RBFOX1: variants seen among roughly 807,000 people sequenced by gnomAD.
RBFOX1 encodes the protein RNA binding fox-1 homolog 1.
In RBFOX1, 8 loss-of-function variants were observed where a neutral mutation model predicts 57.7. That is an observed-to-expected ratio of 0.14 (90% CI 0.08 to 0.25). The LOEUF is 0.25. Ranked by LOEUF, RBFOX1 falls within the 10% of genes least tolerant of loss-of-function variation. RBFOX1 has a pLI of 1.00. For missense variants in RBFOX1, 611 were observed against 548.5 expected, an observed-to-expected ratio of 1.11 and a Z score of -1.14; for synonymous variants, 326 against 222.4, an observed-to-expected ratio of 1.47 and a Z score of -4.15.
intron 2 of RBFOX1, among the ~76,000 whole-genome samples, chr16:6,625,978 A>C (rs2098299131): frequency 6.6e-6 from 1 of 152,160 alleles, no homozygotes; most frequent in African/African-American, 2.4e-5. Context: ...GTAATTTTTG[A>C]ATCTAATCAA....
intron 3 of RBFOX1, among the ~76,000 whole-genome samples, chr16:6,764,798 A>G (rs1188494886): frequency 6.6e-6 from 1 of 152,014 alleles, no homozygotes; most frequent in Non-Finnish European, 1.5e-5. Context: ...TTAGCTAGGC[A>G]TGGTGACGGG....
chr16:7,562,730 AGTG>A lies in RBFOX1; in HGVS notation c.271-17045_271-17043del, dbSNP rs369426210. ...CAGTCTTGAAAGAAGCTTCTTCCCC[AGTG>A]GGGGAAGGAGGAGGAAGGTCCCAGA... On this transcript the variant is annotated intron_variant, in intron 5 of 15. Transcript: ENST00000550418. 6.1e-3 allele frequency among the ~76,000 whole-genome samples: 925 copies of A among 152,300 alleles called. 13 individuals are homozygous for A. The highest frequency in any genetic ancestry group is 0.021 in the African/African-American group (874 of 41,558).
chr16:6,932,605 C>T (rs1056158039), intron 3 of RBFOX1, among the ~76,000 whole-genome samples: 1 of 152,152 alleles, frequency 6.6e-6, no homozygotes, highest in Non-Finnish European at 1.5e-5. Context: ...ATCCCACGGG[C>T]CTGTCCACAG....
chr16:7,077,002 G>A (rs1012180466), intron 4 of RBFOX1, among the ~76,000 whole-genome samples: 2 of 152,094 alleles, frequency 1.3e-5, no homozygotes, highest in African/African-American at 4.8e-5. Context: ...CGAGAGAGGT[G>A]GGCAAAGACA....
intron 1 of RBFOX1, among the ~76,000 whole-genome samples, chr16:6,105,691 T>C (rs988639425): frequency 6.6e-6 from 1 of 151,180 alleles, no homozygotes; most frequent in African/African-American, 2.4e-5. Context: ...AAAAAATATA[T>C]ATATATATAT....
intron 2 of RBFOX1, among the ~76,000 whole-genome samples, chr16:5,566,487 A>G (rs915855289): frequency 7.9e-5 from 12 of 151,698 alleles, no homozygotes; most frequent in Non-Finnish European, 5.9e-5. Flanking sequence ...GGGTTGTTAT[A>G]TTTTGTCTTT....
At chr16:6,773,427 G>T (rs951250267) in intron 3 of RBFOX1, among the ~76,000 whole-genome samples, 3 of 139,094 alleles carry the variant, frequency 2.2e-5, no homozygotes, top group African/African-American at 8.2e-5. Context: ...GTGGGAGTTG[G>T]GTGCATTTGT....
chr16:5,723,654 A>G (rs1290259169), intron 3 of RBFOX1, among the ~76,000 whole-genome samples: 1 of 151,916 alleles, frequency 6.6e-6, no homozygotes, highest in Non-Finnish European at 1.5e-5. Context: ...CCTTTGGTCT[A>G]AGGTCGAATA....
intron 3 of RBFOX1, among the ~76,000 whole-genome samples, chr16:6,992,121 C>T (rs1308031254): frequency 1.3e-5 from 2 of 151,990 alleles, no homozygotes; most frequent in Non-Finnish European, 2.9e-5. Flanking sequence ...CTGTCTCTTC[C>T]TTTCCAGTCT....
At chr16:5,358,682 G>A (rs549438548) in intron 1 of RBFOX1, among the ~76,000 whole-genome samples, 18 of 152,282 alleles carry the variant, frequency 1.2e-4, no homozygotes, top group Admixed American at 3.3e-4. Context: ...AATTAGCCGG[G>A]TGTGGTGGCG....
In RBFOX1 at chr16:7,133,970, T is replaced by G. The variant is rs140254800; in HGVS notation, c.27+81872T>G. 5.5e-3 allele frequency among the ~76,000 whole-genome samples: 837 copies of G among 152,310 alleles called. 10 individuals carry two copies. The highest frequency in any genetic ancestry group is 0.019 in the African/African-American group (806 of 41,572). On this transcript the variant is annotated intron_variant, in intron 4 of 15. Coordinates refer to ENST00000550418, the MANE Select transcript of RBFOX1 (RefSeq NM_018723.4). ...CAGGGTATTTGTCAGGTTGATAACA[T>G]TAGGCTCTGCGGCATTCAATTCTAA...
chr16:6,726,796 A>T (rs1186210088), intron 3 of RBFOX1, among the ~76,000 whole-genome samples: 1 of 152,002 alleles, frequency 6.6e-6, no homozygotes, highest in African/African-American at 2.4e-5. Context: ...GTTCCCTACC[A>T]GGGTACCTAA....
intron 3 of RBFOX1, among the ~76,000 whole-genome samples, chr16:6,996,580 C>A (rs1388497770): frequency 6.6e-6 from 1 of 152,032 alleles, no homozygotes; most frequent in East Asian, 1.9e-4. Context: ...ATTTACTAGC[C>A]CAACGACTTT....
At chr16:6,006,859 T>C (rs2094930461) in intron 4 of RBFOX1, among the ~76,000 whole-genome samples, 1 of 152,176 alleles carries the variant, frequency 6.6e-6, no homozygotes, top group Non-Finnish European at 1.5e-5. Context: ...ATTGGGCATA[T>C]GTTGAATTGC....
intron 1 of RBFOX1, among the ~76,000 whole-genome samples, chr16:6,274,364 G>C (rs1477580840): frequency 6.6e-6 from 1 of 152,102 alleles, no homozygotes; most frequent in Non-Finnish European, 1.5e-5. Context: ...ATACAACCCA[G>C]TAACAAAAAG....
At chr16:6,544,148 G>T (rs1336027485) in intron 2 of RBFOX1, among the ~76,000 whole-genome samples, 1 of 152,158 alleles carries the variant, frequency 6.6e-6, no homozygotes, top group Non-Finnish European at 1.5e-5. Flanking sequence ...AGATTGAACC[G>T]AGTAACTTCC....
At chr16:6,579,977 G>T (rs1037945460) in intron 2 of RBFOX1, among the ~76,000 whole-genome samples, 8 of 150,770 alleles carry the variant, frequency 5.3e-5, no homozygotes, top group African/African-American at 2.0e-4. Flanking sequence ...TTTCTTTTCT[G>T]AGACAGAGTC....
chr16:7,558,383 CG>C (rs2089364489), intron 5 of RBFOX1, among the ~76,000 whole-genome samples: 1 of 151,706 alleles, frequency 6.6e-6, no homozygotes, highest in Admixed American at 6.6e-5. Context: ...TATATACACG[CG>C]CACACACTCA....
intron 3 of RBFOX1, among the ~76,000 whole-genome samples, chr16:5,682,804 C>A (rs1341174263): frequency 6.6e-6 from 1 of 152,156 alleles, no homozygotes; most frequent in Non-Finnish European, 1.5e-5. Flanking sequence ...TTTTCCTCAC[C>A]AGAACTGGCA....
Sources: gnomAD v4.1 joint callset for allele counts (sites outside exome capture counted in the v4.1 genomes callset) on GRCh38, gnomAD v4.1.1 for gene constraint, MANE v1.5 for transcripts, NCBI Gene and HGNC (gene_info 2026-07-23, HGNC 2026-07-21) for gene names.